Variants in PCDHA9 observed in about 807,000 individuals in gnomAD.
PCDHA9 encodes the protein protocadherin alpha-9.
In PCDHA9, 62 loss-of-function variants were observed where a neutral mutation model predicts 62.0. The ratio of observed to expected loss-of-function variants is 1.00; its 90% CI spans 0.81 to 1.23. The LOEUF is 1.23. Among genes scored for constraint, PCDHA9 ranks in the 50% most tolerant of loss-of-function variants. The probability of loss-of-function intolerance (pLI) is 0.00; values close to 1 mark genes in which losing one functional copy is unlikely to be tolerated. For missense variants in PCDHA9, 1,205 were observed against 1,249.8 expected (o/e 0.96, Z 0.54); for synonymous variants, 557 against 567.6 (o/e 0.98, Z 0.27).
chr5:140,944,301 C>T (rs1320988632), intron 1 of PCDHA9, among the ~76,000 whole-genome samples: 1 of 152,176 alleles, frequency 6.6e-6, no homozygotes, highest in Non-Finnish European at 1.5e-5. Flanking sequence ...GATCCTCCTA[C>T]CTCAGCCTCC....
At chr5:140,991,792 T>A (rs541458701) in intron 3 of PCDHA9, among the ~76,000 whole-genome samples, 4 of 152,282 alleles carry the variant, frequency 2.6e-5, no homozygotes, top group Non-Finnish European at 5.9e-5. Context: ...CATTTCCCAA[T>A]CTCAAGGCCA....
In PCDHA9 at chr5:140,858,601, A is replaced by G. The variant is rs7341057; in HGVS notation, c.2394+7712A>G. On this transcript the variant is annotated intron_variant, in intron 1 of 3. Transcript: ENST00000532602. ...TAATATAATTTATTCCAGGAGTTTT[A>G]AAATTTTTTTATCCTACCCAGTGTG... 747 of 1,295,358 alleles carry G rather than the reference A, an allele frequency of 5.8e-4. 36 individuals carry two copies. The African/African-American group carries it at 0.01, about 18-fold the overall frequency. 80.2% of individuals were successfully genotyped at this position (1,295,358 alleles called of 1,614,324 possible).
intron 1 of PCDHA9, chr5:140,967,043 G>A: frequency 6.2e-7 from 1 of 1,612,108 alleles, no homozygotes; most frequent in Non-Finnish European, 8.5e-7. Context: ...CCTGGAGCTG[G>A]ACCTGACGAG....
chr5:140,926,912 C>A, intron 1 of PCDHA9: 1 of 1,561,732 alleles, frequency 6.4e-7, no homozygotes. Context: ...TGTGGGGTGG[C>A]AGTTTTATGT....
intron 1 of PCDHA9, among the ~76,000 whole-genome samples, chr5:140,925,394 C>T (rs782536310): frequency 1.3e-5 from 2 of 151,950 alleles, no homozygotes; most frequent in East Asian, 1.9e-4. Context: ...CCTTTTGGCT[C>T]GCCTCCTTCT....
At position 140,884,316 on chromosome 5, in the gene PCDHA9, C is replaced by T. The variant is rs563652109; in HGVS notation, c.2394+33427C>T. The T allele has an allele frequency of 3.1e-6, 5 of 1,613,752 alleles. No individual in the cohort carries two copies. The East Asian group carries it at 8.9e-5, about 29-fold the overall frequency. On this transcript the variant is annotated intron_variant, in intron 1 of 3. Coordinates refer to ENST00000532602, the MANE Select transcript of PCDHA9 (RefSeq NM_031857.2). ...GCGCCACAGGCTTCGTCGAGGGCGT[C>T]GGCAGGCGCTGTGGGTCCAGAAGCG...
chr5:140,928,854 G>A (rs2085594573), intron 1 of PCDHA9: 1 of 1,614,178 alleles, frequency 6.2e-7, no homozygotes, highest in Non-Finnish European at 8.5e-7. Context: ...CTCTGGGTGT[G>A]CTGTTGAGCA....
chr5:140,941,202 C>CTTTCTGTCTTTCTTT (rs1554213921), intron 1 of PCDHA9, among the ~76,000 whole-genome samples: 1 of 122,742 alleles, frequency 8.1e-6, no homozygotes, highest in African/African-American at 3.0e-5. Context: ...TTTCTTTCTT[C>CTTTCTGTCTTTCTTT]CTTTCTTTCT....
chr5:140,857,108 C>T, intron 1 of PCDHA9: 6 of 1,597,856 alleles, frequency 3.8e-6, no homozygotes, highest in Non-Finnish European at 5.1e-6. Context: ...TGTCACTTCT[C>T]TGTCTCTCCC....
intron 1 of PCDHA9, chr5:140,869,765 A>C (rs376277801): frequency 1.9e-6 from 3 of 1,613,164 alleles, no homozygotes; most frequent in African/African-American, 2.7e-5. Flanking sequence ...GGAAAACCAG[A>C]GCTTACTGGC....
At chr5:140,851,602 G>A in intron 1 of PCDHA9, 1 of 918,032 alleles carries the variant, frequency 1.1e-6, no homozygotes, top group Non-Finnish European at 1.3e-6. Flanking sequence ...TCAGTTTACA[G>A]AAATTGGAGA....
At chr5:140,884,128 C>A (rs1554181251) in intron 1 of PCDHA9, 1 of 1,613,308 alleles carries the variant, frequency 6.2e-7, no homozygotes, top group Non-Finnish European at 8.5e-7. Flanking sequence ...GCGCGCGCAT[C>A]CCGTTCCGCG....
At chr5:140,871,636 T>C in intron 1 of PCDHA9, 1 of 1,364,788 alleles carries the variant, frequency 7.3e-7, no homozygotes, top group Non-Finnish European at 9.8e-7. Flanking sequence ...TGTCTGTTCA[T>C]AAAATACCAA....
intron 1 of PCDHA9, among the ~76,000 whole-genome samples, chr5:140,939,502 T>A (rs781895675): frequency 2.7e-5 from 4 of 150,818 alleles, no homozygotes; most frequent in Non-Finnish European, 5.9e-5. Flanking sequence ...AAATTCAATG[T>A]CTATAACATT....
intron 1 of PCDHA9, among the ~76,000 whole-genome samples, chr5:140,978,254 A>T (rs2096794173): frequency 6.6e-6 from 1 of 152,228 alleles, no homozygotes; most frequent in Non-Finnish European, 1.5e-5. Context: ...TCCCTGTTAA[A>T]CAATCAGAGC....
rs1266429053 is a variant in PCDHA9, at chr5:140,850,178, T to C, written c.1683T>C (p.Asn561=). Residue 561 remains asparagine, a synonymous_variant, in exon 1 of 4, where the codon AAT becomes AAC. Transcript: ENST00000532602. ...TGTTCGTGCTGGACGAGAACGACAA[T>C]GCGCCGGCGCTGCTGACACCTCGGA... ...LQVFVLDEND[N]APALLTPRMR... 11 of 1,592,662 alleles carry C rather than the reference T, an allele frequency of 6.9e-6. No individual in the cohort carries two copies. The highest frequency in any genetic ancestry group is 6.8e-5 in the East Asian group (3 of 43,928).
chr5:140,912,122 C>A (rs1008861945), intron 1 of PCDHA9, among the ~76,000 whole-genome samples: 1 of 152,194 alleles, frequency 6.6e-6, no homozygotes, highest in Admixed American at 6.5e-5. Context: ...GAGGCTAAGT[C>A]AGTCTAATCT....
intron 1 of PCDHA9, among the ~76,000 whole-genome samples, chr5:140,898,001 C>G (rs2066457062): frequency 6.6e-6 from 1 of 152,116 alleles, no homozygotes; most frequent in Non-Finnish European, 1.5e-5. Flanking sequence ...TGAGAAGTGT[C>G]TGTTCATATC....
In PCDHA9 at chr5:140,856,327, G is replaced by A; in HGVS notation, c.2394+5438G>A. On this transcript the variant is annotated intron_variant, in intron 1 of 3. Transcript: ENST00000532602. ...TGAATTCTCGGATTGACCGCGAGGAGCTGTGCGGGCGGAGCGTGGAGTGCA... is the reference window on the plus strand; with the variant it reads ...TGAATTCTCGGATTGACCGCGAGGAACTGTGCGGGCGGAGCGTGGAGTGCA... The A allele has an allele frequency of 1.4e-5, 22 of 1,598,708 alleles. 1 individual carries two copies. Among genetic ancestry groups the A allele is most frequent in the South Asian group, 3.3e-5 (3 of 90,534 alleles).
Sources: allele counts gnomAD v4.1 joint callset (sites outside exome capture counted in the v4.1 genomes callset), GRCh38; gene constraint gnomAD v4.1.1; transcripts MANE v1.5; gene names NCBI Gene and HGNC (gene_info 2026-07-23, HGNC 2026-07-21).